Variants in FRMD4A observed in about 807,000 individuals in gnomAD.
The protein encoded by FRMD4A is FERM domain containing 4A.
FRMD4A carries 29 observed loss-of-function variants against 129.1 expected under a neutral mutation model. The observed-to-expected ratio is 0.22, with a 90% CI of 0.17 to 0.31. The LOEUF is 0.31. Among genes scored for constraint, FRMD4A ranks in the 10% least tolerant of loss-of-function variants. The pLI, the probability that FRMD4A is intolerant of heterozygous loss-of-function variation, is 1.00. For missense variants in FRMD4A, 1,272 were observed against 1,375.8 expected (o/e 0.92, Z 1.19); for synonymous variants, 634 against 571.6 (o/e 1.11, Z -1.56).
chr10:14,014,899 C>T (rs2095693262), intron 2 of FRMD4A, among the ~76,000 whole-genome samples: 1 of 148,014 alleles, frequency 6.8e-6, no homozygotes, highest in South Asian at 2.2e-4. Flanking sequence ...TACATTTTTC[C>T]CTCCCTCCCT....
chr10:13,990,723 C>T (rs572582197), intron 2 of FRMD4A, among the ~76,000 whole-genome samples: 11 of 152,320 alleles, frequency 7.2e-5, no homozygotes, highest in Admixed American at 3.3e-4. Context: ...GTGACCTCTC[C>T]GATCTCCAGA....
chr10:14,287,136 GC>G (rs957124753), intron 2 of FRMD4A, among the ~76,000 whole-genome samples: 48 of 107,326 alleles, frequency 4.5e-4, no homozygotes, highest in African/African-American at 1.6e-3. Context: ...TCTTTGACAG[GC>G]CCCCCGCTCC....
At chr10:13,838,752 C>CAAAGTGCT (rs2093916637) in intron 3 of FRMD4A, among the ~76,000 whole-genome samples, 1 of 152,148 alleles carries the variant, frequency 6.6e-6, no homozygotes, top group Non-Finnish European at 1.5e-5. Context: ...CTCAGCCTCC[C>CAAAGTGCT]AAAGTGCTGA....
intron 2 of FRMD4A, among the ~76,000 whole-genome samples, chr10:13,899,010 CCT>C (rs1430946417): frequency 6.6e-6 from 1 of 151,820 alleles, no homozygotes; most frequent in Non-Finnish European, 1.5e-5. Context: ...TAGTGAGACC[CCT>C]GTCTCTACAA....
At chr10:14,208,169 C>T (rs56177726) in intron 2 of FRMD4A, among the ~76,000 whole-genome samples, 2 of 152,214 alleles carry the variant, frequency 1.3e-5, no homozygotes, top group African/African-American at 4.8e-5. Context: ...GGCCTCCAGC[C>T]TGAGCAACAG....
intron 2 of FRMD4A, among the ~76,000 whole-genome samples, chr10:13,978,724 T>C (rs1269341832): frequency 6.6e-6 from 1 of 152,172 alleles, no homozygotes; most frequent in African/African-American, 2.4e-5. Flanking sequence ...AAAACTCATT[T>C]ATATAAATGC....
At chr10:14,180,314 T>C (rs75780063) in intron 2 of FRMD4A, among the ~76,000 whole-genome samples, 1,647 of 152,306 alleles carry the variant, frequency 0.011, 28 homozygotes, top group African/African-American at 0.038. Context: ...ATAGCATCAT[T>C]TGGTCCTGAT....
intron 6 of FRMD4A, among the ~76,000 whole-genome samples, chr10:13,765,237 C>T (rs774079353): frequency 1.3e-5 from 2 of 151,508 alleles, no homozygotes; most frequent in African/African-American, 4.9e-5. Flanking sequence ...GCCTCAGCCT[C>T]CCAAGTAGCT....
intron 18 of FRMD4A, among the ~76,000 whole-genome samples, chr10:13,664,599 C>T (rs867855214): frequency 3.9e-5 from 6 of 152,194 alleles, no homozygotes; most frequent in African/African-American, 9.6e-5. Flanking sequence ...ATCACTGCTA[C>T]GCTAGGATGC....
intron 2 of FRMD4A, among the ~76,000 whole-genome samples, chr10:14,212,324 A>C (rs955347209): frequency 6.6e-6 from 1 of 152,136 alleles, no homozygotes; most frequent in African/African-American, 2.4e-5. Flanking sequence ...GTTTCTAGGG[A>C]AAGGTGGAAC....
intron 3 of FRMD4A, among the ~76,000 whole-genome samples, chr10:13,816,650 A>G (rs1156605827): frequency 6.6e-6 from 1 of 152,244 alleles, no homozygotes; most frequent in Non-Finnish European, 1.5e-5. Context: ...AAACTCCTTC[A>G]GAGAAAGTTG....
chr10:14,193,877 G>GT (rs1412622399), intron 2 of FRMD4A, among the ~76,000 whole-genome samples: 1 of 152,052 alleles, frequency 6.6e-6, no homozygotes, highest in East Asian at 1.9e-4. Context: ...AAGGTTCTGT[G>GT]GTGAACACTG....
At position 13,977,826 on chromosome 10, in the gene FRMD4A, C is replaced by T. The variant is rs1022596081; in HGVS notation, c.46-118914G>A. On this transcript the variant is annotated intron_variant, in intron 2 of 24. Coordinates refer to ENST00000357447, the MANE Select transcript of FRMD4A (RefSeq NM_018027.5). ...ATCCATATTGTAGCATGTGCCAGTA[C>T]ATTTCTTTTCTTTGCTGAATAATAT... 7.9e-5 allele frequency among the ~76,000 whole-genome samples: 12 copies of T among 152,194 alleles called. 1 individual carries two copies. The highest frequency in any genetic ancestry group is 7.2e-4 in the Admixed American group (11 of 15,280).
intron 2 of FRMD4A, among the ~76,000 whole-genome samples, chr10:14,286,066 C>G (rs1845671495): frequency 6.6e-6 from 1 of 152,216 alleles, no homozygotes; most frequent in Non-Finnish European, 1.5e-5. Flanking sequence ...TCTCATGTAT[C>G]ATGGTGCTAA....
At chr10:13,946,235 T>A (rs2095330334) in intron 2 of FRMD4A, among the ~76,000 whole-genome samples, 1 of 152,186 alleles carries the variant, frequency 6.6e-6, no homozygotes, top group Non-Finnish European at 1.5e-5. Flanking sequence ...TGCTGGACTC[T>A]TTAGGCAGAT....
At chr10:13,985,281 G>T (rs549935943) in intron 2 of FRMD4A, among the ~76,000 whole-genome samples, 44 of 152,310 alleles carry the variant, frequency 2.9e-4, no homozygotes, top group South Asian at 6.2e-4. Flanking sequence ...TGGCTGATCT[G>T]CTCACTGGGA....
intron 2 of FRMD4A, chr10:14,087,515 C>T (rs1008870884): frequency 4.6e-5 from 7 of 151,998 alleles, no homozygotes; most frequent in African/African-American, 9.7e-5. Flanking sequence ...TTTTCTCAAG[C>T]GCTTCCACAC....
intron 2 of FRMD4A, among the ~76,000 whole-genome samples, chr10:14,057,696 A>T (rs1300720905): frequency 1.3e-5 from 2 of 151,860 alleles, no homozygotes; most frequent in Non-Finnish European, 2.9e-5. Context: ...TCAGCCTCCC[A>T]AGTAGCTGGG....
At chr10:14,326,883 TGGG>T (rs1843298790) in intron 2 of FRMD4A, 11 of 398,536 alleles carry the variant, frequency 2.8e-5, no homozygotes, top group African/African-American at 2.1e-4. Context: ...CTTGCAAAGA[TGGG>T]AGAGGCAGCT....
Sources: allele counts gnomAD v4.1 joint callset (sites outside exome capture counted in the v4.1 genomes callset), GRCh38; gene constraint gnomAD v4.1.1; transcripts MANE v1.5; gene names NCBI Gene and HGNC (gene_info 2026-07-23, HGNC 2026-07-21).